STXBP3: variants seen among roughly 807,000 people sequenced by gnomAD.
The protein encoded by STXBP3 is syntaxin binding protein 3.
A neutral mutation model predicts 85.7 loss-of-function variants in STXBP3; 41 were observed. The observed-to-expected ratio is 0.48, with a 90% CI of 0.37 to 0.62. The LOEUF (loss-of-function observed/expected upper bound fraction) is 0.62. Ranked by LOEUF, STXBP3 falls within the 20% of genes least tolerant of loss-of-function variation. The pLI is 0.00. For missense variants in STXBP3, 563 were observed against 703.1 expected (o/e 0.80, Z 2.25); for synonymous variants, 229 against 231.7 (o/e 0.99, Z 0.10).
intron 6 of STXBP3, chr1:108,767,609 GC>G (rs1388870556): frequency 6.5e-6 from 1 of 154,052 alleles, no homozygotes; most frequent in African/African-American, 2.4e-5. Context: ...GCTGCAACCT[GC>G]CACGTCGCTG....
At chr1:108,800,021 A>G (rs577715525) in intron 16 of STXBP3, among the ~76,000 whole-genome samples, 199 bp from the exon 17 acceptor site, 2 of 152,202 alleles carry the variant, frequency 1.3e-5, no homozygotes, top group Non-Finnish European at 2.9e-5. Flanking sequence ...GTCATGCAGC[A>G]AATATTGGTG....
At position 108,746,682 on chromosome 1, in the gene STXBP3, G is replaced by A. The variant is rs1415542703; in HGVS notation, c.-56G>A. On this transcript the variant is annotated 5_prime_UTR_variant, in exon 1 of 19. Transcript: ENST00000370008. ...GGGGCCACCCCAACGCCGCTTCTGCGGCCAAAGTAGGTTGGGAGTGGAAGG... is the reference window on the plus strand; with the variant it reads ...GGGGCCACCCCAACGCCGCTTCTGCAGCCAAAGTAGGTTGGGAGTGGAAGG... 2 of 1,546,194 alleles carry A rather than the reference G, an allele frequency of 1.3e-6. No individual in the cohort carries two copies. Among genetic ancestry groups the A allele is most frequent in the Non-Finnish European group, 1.7e-6 (2 of 1,143,888 alleles).
intron 9 of STXBP3, chr1:108,779,722 C>CTCATTT (rs142753375): frequency 5.8e-5 from 10 of 173,154 alleles, no homozygotes; most frequent in Non-Finnish European, 1.2e-4. Flanking sequence ...GGCTCACTAT[C>CTCATTT]ATTGAAGGAG....
chr1:108,778,479 A>G (rs188095105), intron 8 of STXBP3, among the ~76,000 whole-genome samples: 151 of 152,316 alleles, frequency 9.9e-4, no homozygotes, highest in African/African-American at 3.4e-3. Flanking sequence ...ATGTTGGAGC[A>G]AACCTGCATT....
chr1:108,774,033 T>G (rs1662530855), intron 7 of STXBP3, among the ~76,000 whole-genome samples: 1 of 152,182 alleles, frequency 6.6e-6, no homozygotes, highest in Admixed American at 6.6e-5. Flanking sequence ...TTTTCTTCCC[T>G]AGAGATGACT....
intron 6 of STXBP3, among the ~76,000 whole-genome samples, chr1:108,765,897 G>A (rs1249076192): frequency 7.3e-6 from 1 of 136,606 alleles, no homozygotes; most frequent in South Asian, 2.3e-4. Context: ...TCTGTCACCA[G>A]GCTGGAGTGC....
chr1:108,782,691 AG>A lies in STXBP3; in HGVS notation c.949del (p.Ala317GlnfsTer14). On this transcript the variant is annotated frameshift_variant, in exon 11 of 19. Coordinates refer to ENST00000370008, the MANE Select transcript of STXBP3 (RefSeq NM_007269.4). LOFTEE classifies it high-confidence loss of function. ...TGAAAGAAATTTCATCAACAAAGAA[AG>A]CAACAGAAGGAAAGGTAAGAGTCTT... ...LMKEISSTKKATEGKTSLSAL... is the reference protein window; with the variant it reads ...LMKEISSTKKXTEGKTSLSAL... 1 of 1,608,414 alleles carries A rather than the reference AG, an allele frequency of 6.2e-7. No individual in the cohort carries two copies. Among genetic ancestry groups the A allele is most frequent in the Non-Finnish European group, 8.5e-7 (1 of 1,178,402 alleles).
chr1:108,776,162 T>G (rs1662588332), intron 7 of STXBP3, among the ~76,000 whole-genome samples, 171 bp from the exon 8 acceptor site: 1 of 152,066 alleles, frequency 6.6e-6, no homozygotes, highest in South Asian at 2.1e-4. Flanking sequence ...TCCAAATATA[T>G]CGATATAAGA....
At chr1:108,771,558 GATATATAAATATATATGATAT>G (rs1662420070) in intron 6 of STXBP3, among the ~76,000 whole-genome samples, 3 of 41,324 alleles carry the variant, frequency 7.3e-5, no homozygotes, top group African/African-American at 2.3e-4. Context: ...AAATATATAT[GATATATAAATATATATGATAT>G]ATATCTATAT....
At chr1:108,751,806 G>A (rs1006901036) in intron 1 of STXBP3, among the ~76,000 whole-genome samples, 1 of 152,112 alleles carries the variant, frequency 6.6e-6, no homozygotes, top group Non-Finnish European at 1.5e-5. Flanking sequence ...TCCAAATGCT[G>A]TGATATGTAT....
chr1:108,800,414 G>A, intron 17 of STXBP3, 109 bp downstream of exon 17: 1 of 695,698 alleles, frequency 1.4e-6, no homozygotes. Context: ...ATATAATCCT[G>A]TATTTTTTCT....
intron 6 of STXBP3, among the ~76,000 whole-genome samples, chr1:108,770,367 C>T (rs943314641): frequency 9.9e-5 from 15 of 152,088 alleles, no homozygotes; most frequent in African/African-American, 3.6e-4. Flanking sequence ...GAGGGAGAAG[C>T]CTTGGGCGGC....
At chr1:108,750,150 G>A (rs995184355) in intron 1 of STXBP3, among the ~76,000 whole-genome samples, 1 of 151,858 alleles carries the variant, frequency 6.6e-6, no homozygotes, top group African/African-American at 2.4e-5. Context: ...TAAATTCCAT[G>A]AGCATTCATT....
chr1:108,747,523 C>G (rs1038875332), intron 1 of STXBP3, among the ~76,000 whole-genome samples: 2 of 152,172 alleles, frequency 1.3e-5, no homozygotes, highest in African/African-American at 4.8e-5. Flanking sequence ...TCATAAACAT[C>G]GCTCCAAACC....
chr1:108,776,248 G>T lies in STXBP3; in HGVS notation c.594-85G>T. 4 of 856,916 alleles carry T rather than the reference G, an allele frequency of 4.7e-6. No homozygotes were observed. The South Asian group carries it at 1.0e-4, about 22-fold the overall frequency. The allele number at this position is 856,916 out of a possible 1,614,324, so 53.1% of individuals were successfully genotyped here. A position where few individuals can be genotyped will look rare whatever the true frequency, so the allele number is the denominator to read the frequency against. ...TTTTGTAAACATTTTTTAAATTTCA[G>T]TTTAATTTTAGAATTAAACTTCATG... On this transcript the variant is annotated intron_variant, in intron 7 of 18. Coordinates refer to ENST00000370008, the MANE Select transcript of STXBP3 (RefSeq NM_007269.4).
chr1:108,793,672 C>T (rs763460976), intron 12 of STXBP3, 25 bp downstream of exon 12: 2 of 1,576,944 alleles, frequency 1.3e-6, no homozygotes, highest in Non-Finnish European at 1.7e-6. Flanking sequence ...ATATGAGATA[C>T]CTGATTAGTT....
In STXBP3 at chr1:108,782,537, T is replaced by G; in HGVS notation, c.905+20T>G. The G allele has an allele frequency of 6.2e-7, 1 of 1,610,188 alleles. No individual in the cohort carries two copies. The highest frequency in any genetic ancestry group is 8.5e-7 in the Non-Finnish European group (1 of 1,178,232). ...GTTAGAGTATGTGAACTCATTTTAA[T>G]TTTTGTTCCATAATTTTTAGACACT... On this transcript the variant is annotated intron_variant, in intron 10 of 18. Coordinates refer to ENST00000370008, the MANE Select transcript of STXBP3 (RefSeq NM_007269.4).
chr1:108,781,467 C>T (rs1557809908), intron 9 of STXBP3: 1 of 152,118 alleles, frequency 6.6e-6, no homozygotes, highest in Non-Finnish European at 1.5e-5. Flanking sequence ...AGTCAGGAAG[C>T]CCATTTTGAA....
chr1:108,772,122 TATAA>T (rs1331685702), intron 6 of STXBP3, among the ~76,000 whole-genome samples: 2 of 135,834 alleles, frequency 1.5e-5, no homozygotes, highest in African/African-American at 2.6e-5. Context: ...ATATATCATA[TATAA>T]ATACATATGA....
Sources: gnomAD v4.1 joint callset for allele counts (sites outside exome capture counted in the v4.1 genomes callset) on GRCh38, gnomAD v4.1.1 for gene constraint, MANE v1.5 for transcripts, NCBI Gene and HGNC (gene_info 2026-07-23, HGNC 2026-07-21) for gene names.